Variants in ATP6V1H observed in about 807,000 individuals in gnomAD.
ATP6V1H encodes V-type proton ATPase subunit H.
A neutral mutation model predicts 71.7 loss-of-function variants in ATP6V1H; 39 were observed. That is an observed-to-expected ratio of 0.54 (90% CI 0.42 to 0.71). The LOEUF (loss-of-function observed/expected upper bound fraction) is 0.71, where lower values mean the gene tolerates loss of function less well. Ranked by LOEUF, ATP6V1H falls within the 30% of genes least tolerant of loss-of-function variation. The probability of loss-of-function intolerance (pLI) is 0.00; values close to 1 mark genes in which losing one functional copy is unlikely to be tolerated. For synonymous variants in ATP6V1H, 192 were observed against 199.3 expected, an observed-to-expected ratio of 0.96 and a Z score of 0.31; for missense variants, 509 against 594.9, an observed-to-expected ratio of 0.86 and a Z score of 1.50.
chr8:53,819,742 T>C (rs1178056671), intron 4 of ATP6V1H, among the ~76,000 whole-genome samples: 1 of 141,370 alleles, frequency 7.1e-6, no homozygotes. Flanking sequence ...TAGTATATAG[T>C]GTGTGTATAT....
chr8:53,794,545 T>C lies in ATP6V1H; in HGVS notation c.870+1102A>G, dbSNP rs191909186. On this transcript the variant is annotated intron_variant, in intron 9 of 13. Coordinates refer to ENST00000359530, the MANE Select transcript of ATP6V1H (RefSeq NM_015941.4). ...CACGCCCAGCTAATTTTTGTGTTTT[T>C]AGTAGGGACGGGGTTTCACTGTGTT... Among the ~76,000 whole-genome samples, 339 of 152,246 alleles carry C rather than the reference T, an allele frequency of 2.2e-3. 2 individuals carry two copies. Among genetic ancestry groups the C allele is most frequent in the African/African-American group, 7.9e-3 (328 of 41,558 alleles).
intron 2 of ATP6V1H, chr8:53,840,022 G>T: frequency 1.7e-6 from 1 of 596,702 alleles, no homozygotes; most frequent in Non-Finnish European, 2.1e-6. Flanking sequence ...CCCTGCCTTT[G>T]CTCACATTAT....
At chr8:53,755,521 G>A (rs957620792) in intron 12 of ATP6V1H, among the ~76,000 whole-genome samples, 21 of 147,416 alleles carry the variant, frequency 1.4e-4, no homozygotes, top group African/African-American at 5.3e-4. Context: ...GGGTGGGAGT[G>A]GCGATTCTTT....
At position 53,795,672 on chromosome 8, in the gene ATP6V1H, G is replaced by T. The variant is rs1207987904; in HGVS notation, c.845C>A (p.Thr282Lys). 6.2e-7 allele frequency: 1 copy of T among 1,612,468 alleles called. No homozygotes were observed. The highest frequency in any genetic ancestry group is 8.5e-7 in the Non-Finnish European group (1 of 1,179,682). Reference protein sequence around the residue: ...ILQESVKEKVTRIILAAFRNF... With the variant: ...ILQESVKEKVKRIILAAFRNF... ...ACGAAATGCTGCAAGAATGATTCTTGTTACTTTCTCTTTGACAGACTCCTG... is the reference window on the plus strand; with the variant it reads ...ACGAAATGCTGCAAGAATGATTCTTTTTACTTTCTCTTTGACAGACTCCTG... The change falls in exon 9 of 14, where the codon ACA (threonine) becomes AAA (lysine). Residue 282 changes from threonine to lysine, a missense_variant. Physicochemically the swap from Thr to Lys is moderately conservative, Grantham distance 78 (BLOSUM62 -1). Coordinates refer to ENST00000359530, the MANE Select transcript of ATP6V1H (RefSeq NM_015941.4).
intron 13 of ATP6V1H, among the ~76,000 whole-genome samples, chr8:53,727,099 G>C (rs1003099335): frequency 6.6e-6 from 1 of 152,206 alleles, no homozygotes; most frequent in Non-Finnish European, 1.5e-5. Flanking sequence ...CGGCAGGAAA[G>C]TTTTCCACGC....
intron 12 of ATP6V1H, among the ~76,000 whole-genome samples, chr8:53,744,473 G>A (rs1807529174): frequency 6.6e-6 from 1 of 152,206 alleles, no homozygotes; most frequent in African/African-American, 2.4e-5. Flanking sequence ...ACACAACAGT[G>A]TGGACTGCCC....
At chr8:53,798,102 T>C (rs1414829465) in intron 8 of ATP6V1H, among the ~76,000 whole-genome samples, 1 of 152,174 alleles carries the variant, frequency 6.6e-6, no homozygotes, top group Non-Finnish European at 1.5e-5. Flanking sequence ...TAGCACAATA[T>C]AATGTAAATT....
At chr8:53,803,900 G>A (rs1435607425) in intron 7 of ATP6V1H, among the ~76,000 whole-genome samples, 4 of 152,128 alleles carry the variant, frequency 2.6e-5, no homozygotes, top group African/African-American at 7.2e-5. Flanking sequence ...AGGCAACAGA[G>A]AGCACCCTCT....
At chr8:53,730,036 A>C (rs909011176) in intron 13 of ATP6V1H, among the ~76,000 whole-genome samples, 6 of 152,342 alleles carry the variant, frequency 3.9e-5, no homozygotes, top group African/African-American at 1.4e-4. Context: ...ATGCCTCTAG[A>C]GCAATCATGA....
chr8:53,724,794 T>C (rs1311778692), intron 13 of ATP6V1H, among the ~76,000 whole-genome samples: 8 of 151,698 alleles, frequency 5.3e-5, no homozygotes, highest in African/African-American at 1.9e-4. Context: ...GATGAACCTA[T>C]CCTTCCGATT....
intron 13 of ATP6V1H, among the ~76,000 whole-genome samples, chr8:53,735,430 G>T (rs574093821): frequency 1.4e-4 from 21 of 152,288 alleles, no homozygotes; most frequent in African/African-American, 4.6e-4. Context: ...ACAAAGTTCA[G>T]AAAAAGGTAA....
chr8:53,729,889 G>A lies in ATP6V1H; in HGVS notation c.1391+13688C>T, dbSNP rs1310076471. On this transcript the variant is annotated intron_variant, in intron 13 of 13. Transcript: ENST00000359530. ...CTGGCTTCACTCAGCAGGTAAAGGA[G>A]AGACAACTGGCCAATGAACAGGCCA... Among the ~76,000 whole-genome samples the A allele has an allele frequency of 2.6e-5, 4 of 152,174 alleles. No homozygotes were observed. The East Asian group carries it at 7.7e-4, about 29-fold the overall frequency.
chr8:53,751,979 T>C (rs1323232031), intron 12 of ATP6V1H, among the ~76,000 whole-genome samples: 2 of 152,178 alleles, frequency 1.3e-5, no homozygotes, highest in Non-Finnish European at 2.9e-5. Flanking sequence ...ATAAAGATCA[T>C]TTCTATCACC....
At chr8:53,734,250 C>T (rs1563441054) in intron 13 of ATP6V1H, among the ~76,000 whole-genome samples, 2 of 152,302 alleles carry the variant, frequency 1.3e-5, no homozygotes, top group East Asian at 1.9e-4. Flanking sequence ...AAAGCCCTGT[C>T]GAGCATAACT....
chr8:53,731,966 T>C (rs1807041859), intron 13 of ATP6V1H, among the ~76,000 whole-genome samples: 1 of 152,218 alleles, frequency 6.6e-6, no homozygotes, highest in East Asian at 1.9e-4. Context: ...GGCTGAACAC[T>C]GCGAAGGAAC....
chr8:53,751,202 T>C (rs1178766906), intron 12 of ATP6V1H, among the ~76,000 whole-genome samples: 1 of 152,290 alleles, frequency 6.6e-6, no homozygotes, highest in East Asian at 1.9e-4. Context: ...AAACAATATG[T>C]CTGATGAAGT....
chr8:53,749,106 C>A (rs1807705177), intron 12 of ATP6V1H, among the ~76,000 whole-genome samples: 1 of 152,194 alleles, frequency 6.6e-6, no homozygotes, highest in Non-Finnish European at 1.5e-5. Flanking sequence ...GTGAGATAAA[C>A]AGACTTCATC....
chr8:53,804,719 C>T (rs1339465221), intron 7 of ATP6V1H, among the ~76,000 whole-genome samples: 1 of 152,170 alleles, frequency 6.6e-6, no homozygotes, highest in Non-Finnish European at 1.5e-5. Flanking sequence ...CAGTAGAAGT[C>T]AACTCTCTTC....
intron 4 of ATP6V1H, among the ~76,000 whole-genome samples, chr8:53,821,687 A>G (rs1013030377): frequency 5.3e-5 from 8 of 152,172 alleles, no homozygotes; most frequent in Admixed American, 5.2e-4. Context: ...ACCATGCATC[A>G]AAGAAAAAAA....
Sources: allele counts gnomAD v4.1 joint callset (sites outside exome capture counted in the v4.1 genomes callset), GRCh38; gene constraint gnomAD v4.1.1; transcripts MANE v1.5; gene names NCBI Gene and HGNC (gene_info 2026-07-23, HGNC 2026-07-21).